LNX1: variants seen among roughly 807,000 people sequenced by gnomAD.
LNX1 encodes E3 ubiquitin-protein ligase LNX.
A neutral mutation model predicts 68.4 loss-of-function variants in LNX1; 54 were observed. The observed-to-expected ratio is 0.79, with a 90% confidence interval of 0.63 to 0.99. The LOEUF is 0.99. Among genes scored for constraint, LNX1 ranks in the 50% least tolerant of loss-of-function variants. LNX1 has a pLI of 0.00. For synonymous variants in LNX1, 336 were observed against 350.0 expected, an observed-to-expected ratio of 0.96 and a Z score of 0.45; for missense variants, 906 against 926.4, an observed-to-expected ratio of 0.98 and a Z score of 0.29.
intron 2 of LNX1, among the ~76,000 whole-genome samples, chr4:53,609,752 TATA>T (rs1174238186): frequency 7.0e-6 from 1 of 143,302 alleles, no homozygotes; most frequent in Non-Finnish European, 1.5e-5. Flanking sequence ...ATATATTATA[TATA>T]ATATACTATT....
At chr4:53,517,159 C>A (rs983828641) in intron 2 of LNX1, among the ~76,000 whole-genome samples, 2 of 152,126 alleles carry the variant, frequency 1.3e-5, no homozygotes, top group African/African-American at 4.8e-5. Flanking sequence ...CTGAGAGATT[C>A]TAAAAGCAGC....
chr4:53,507,775 C>G (rs1036446945), intron 3 of LNX1, among the ~76,000 whole-genome samples: 1 of 152,178 alleles, frequency 6.6e-6, no homozygotes, highest in Non-Finnish European at 1.5e-5. Flanking sequence ...GTTTCAGCCC[C>G]TTTCACCAAG....
chr4:53,470,544 C>G (rs1221345424), intron 9 of LNX1, among the ~76,000 whole-genome samples: 1 of 152,192 alleles, frequency 6.6e-6, no homozygotes, highest in Non-Finnish European at 1.5e-5. Flanking sequence ...AAGAGGAAGT[C>G]AAATTGTCCC....
At chr4:53,501,305 T>G (rs56014502) in intron 4 of LNX1, among the ~76,000 whole-genome samples, 81,452 of 88,654 alleles carry the variant, frequency 0.92, 37,745 homozygotes, top group Middle Eastern at 1. Flanking sequence ...TTTTTGGGGG[T>G]GGGGGGACAG....
At chr4:53,501,988 AC>A (rs931236621) in intron 4 of LNX1, 2 of 152,088 alleles carry the variant, frequency 1.3e-5, no homozygotes, top group East Asian at 1.9e-4. Context: ...TGTGTTCACT[AC>A]CCCCAAATCA....
At chr4:53,556,768 A>G (rs1418565887) in intron 2 of LNX1, among the ~76,000 whole-genome samples, 1 of 152,224 alleles carries the variant, frequency 6.6e-6, no homozygotes, top group African/African-American at 2.4e-5. Context: ...ACCAAAGAGC[A>G]TCTGCTGTGT....
In LNX1 at chr4:53,508,040, C is replaced by T; in HGVS notation, c.568G>A (p.Asp190Asn). 6.2e-7 allele frequency: 1 copy of T among 1,614,124 alleles called. No individual in the cohort carries two copies. Among genetic ancestry groups the T allele is most frequent in the Non-Finnish European group, 8.5e-7 (1 of 1,179,990 alleles). ...ACTGGGCTGATTGCTGGCTGCCCGT[C>T]CTCTGCCGAGGACACGTAGGCAGGG... ...DNPAYVSSAE[D>N]GQPAISPVDS... The change falls in exon 3 of 11, where the codon GAC becomes AAC. Residue 190 changes from aspartate to asparagine, a missense_variant. Physicochemically the swap from Asp to Asn is conservative, Grantham distance 23. Coordinates refer to ENST00000263925, the MANE Select transcript of LNX1 (RefSeq NM_001126328.3).
upstream of LNX1, among the ~76,000 whole-genome samples, chr4:53,619,720 ATAAACT>A (rs1282671191): frequency 9.2e-5 from 14 of 152,332 alleles, no homozygotes; most frequent in Admixed American, 7.2e-4. Context: ...TCTACTGGAC[ATAAACT>A]TAGGAGTGAA....
At chr4:53,485,191 TAA>T (rs1455497763) in intron 6 of LNX1, among the ~76,000 whole-genome samples, 1 of 152,228 alleles carries the variant, frequency 6.6e-6, no homozygotes, top group African/African-American at 2.4e-5. Flanking sequence ...CAAAACTTAC[TAA>T]AAGATAAGAA....
intron 1 of LNX1, chr4:53,576,162 C>T: frequency 1.3e-6 from 2 of 1,571,518 alleles, no homozygotes; most frequent in Non-Finnish European, 1.7e-6. Context: ...CCTGGCTGCC[C>T]CATGTTGCTG....
chr4:53,510,513 C>T (rs546652545), intron 2 of LNX1, among the ~76,000 whole-genome samples: 42 of 152,286 alleles, frequency 2.8e-4, no homozygotes, highest in African/African-American at 9.1e-4. Context: ...GGCTTGAATT[C>T]GTGAGGTTTT....
At chr4:53,505,014 C>T (rs777165622) in intron 4 of LNX1, among the ~76,000 whole-genome samples, 8 of 152,096 alleles carry the variant, frequency 5.3e-5, no homozygotes, top group African/African-American at 7.2e-5. Flanking sequence ...AGTGAGCACA[C>T]GCTTTTGGAA....
At chr4:53,551,505 C>T (rs1469723006) in intron 2 of LNX1, among the ~76,000 whole-genome samples, 1 of 152,126 alleles carries the variant, frequency 6.6e-6, no homozygotes, top group Non-Finnish European at 1.5e-5. Context: ...TATGAATCCT[C>T]AACTGATAAG....
At chr4:53,581,964 T>A (rs951852566) in intron 1 of LNX1, among the ~76,000 whole-genome samples, 24 of 152,242 alleles carry the variant, frequency 1.6e-4, no homozygotes, top group African/African-American at 5.8e-4. Flanking sequence ...GCATTCATTT[T>A]GCATTTTTTT....
At chr4:53,519,095 C>T (rs1333937751) in intron 2 of LNX1, among the ~76,000 whole-genome samples, 1 of 152,152 alleles carries the variant, frequency 6.6e-6, no homozygotes, top group Admixed American at 6.5e-5. Context: ...TTGTGGTGGT[C>T]CCCACATGCC....
At chr4:53,619,310 C>G (rs1733785056), upstream of LNX1, among the ~76,000 whole-genome samples, 1 of 152,148 alleles carries the variant, frequency 6.6e-6, no homozygotes. Flanking sequence ...TCATTATCCC[C>G]CAAAGAAATC....
At chr4:53,532,995 GT>G (rs1212485388) in intron 2 of LNX1, among the ~76,000 whole-genome samples, 1 of 152,154 alleles carries the variant, frequency 6.6e-6, no homozygotes, top group Non-Finnish European at 1.5e-5. Flanking sequence ...TTTTCCTGGG[GT>G]TACACAACAG....
chr4:53,622,920 A>C (rs1196442618), intron 1 of LNX1, among the ~76,000 whole-genome samples: 2 of 152,228 alleles, frequency 1.3e-5, no homozygotes, highest in Non-Finnish European at 2.9e-5. Flanking sequence ...GTAAAATATT[A>C]TTCTTCTGGA....
chr4:53,617,385 GA>G (rs1157645358), exon 1 of LNX1: 1 of 152,118 alleles, frequency 6.6e-6, no homozygotes, highest in African/African-American at 2.4e-5. Flanking sequence ...TAGCAACTAG[GA>G]TAATATCCAG....
Sources: gnomAD v4.1 joint callset for allele counts (sites outside exome capture counted in the v4.1 genomes callset) on GRCh38, gnomAD v4.1.1 for gene constraint, MANE v1.5 for transcripts, NCBI Gene and HGNC (gene_info 2026-07-23, HGNC 2026-07-21) for gene names.